RBM39: variants seen among roughly 807,000 people sequenced by gnomAD.
RBM39 encodes RNA binding motif protein 39, also known as RNA-binding protein 39.
Under a neutral mutation model 79.6 loss-of-function variants are expected in RBM39, and 12 were observed. The observed-to-expected ratio is 0.15, with a 90% CI of 0.10 to 0.24. RBM39 has a LOEUF of 0.24. Among genes scored for constraint, RBM39 ranks in the 10% least tolerant of loss-of-function variants. The pLI, the probability that RBM39 is intolerant of heterozygous loss-of-function variation, is 1.00. For synonymous variants in RBM39, 185 were observed against 208.4 expected (o/e 0.89, Z 0.97); for missense variants, 243 against 653.4 (o/e 0.37, Z 6.85).
intron 3 of RBM39, among the ~76,000 whole-genome samples, chr20:35,737,296 G>C (rs1020641150): frequency 2.0e-5 from 3 of 148,624 alleles, no homozygotes; most frequent in Non-Finnish European, 4.5e-5. Flanking sequence ...AGGCTGAGGC[G>C]GAAGAATCGC....
At chr20:35,738,201 G>A (rs955158537) in intron 3 of RBM39, among the ~76,000 whole-genome samples, 3 of 151,986 alleles carry the variant, frequency 2.0e-5, no homozygotes, top group Non-Finnish European at 4.4e-5. Flanking sequence ...CCAGGAGGCG[G>A]AGGTTGCAGT....
intron 13 of RBM39, among the ~76,000 whole-genome samples, chr20:35,708,514 G>C (rs1272287510): frequency 6.6e-6 from 1 of 152,096 alleles, no homozygotes; most frequent in East Asian, 1.9e-4. Context: ...GCACTGATTA[G>C]AAGCATCTTG....
chr20:35,737,577 CAG>C (rs2040073285), intron 3 of RBM39, among the ~76,000 whole-genome samples: 1 of 148,866 alleles, frequency 6.7e-6, no homozygotes, highest in Non-Finnish European at 1.5e-5. Flanking sequence ...AAAATAAAGA[CAG>C]AGGCTGGGCA....
chr20:35,706,454 CTT>C (rs1463202438), intron 14 of RBM39, among the ~76,000 whole-genome samples: 2 of 152,130 alleles, frequency 1.3e-5, no homozygotes, highest in East Asian at 1.9e-4. Flanking sequence ...ATTCAAGACT[CTT>C]TGGATGAAAC....
intron 6 of RBM39, among the ~76,000 whole-genome samples, chr20:35,725,855 G>C: frequency 6.6e-6 from 1 of 151,180 alleles, no homozygotes; most frequent in South Asian, 2.1e-4. Context: ...GTAGAGATGT[G>C]GTTTCACCAT....
At chr20:35,715,539 T>A (rs993245901) in intron 10 of RBM39, among the ~76,000 whole-genome samples, 5 of 152,066 alleles carry the variant, frequency 3.3e-5, no homozygotes, top group African/African-American at 9.7e-5. Context: ...AAAAAAAGGA[T>A]CTTTAGTAAA....
At chr20:35,705,608 G>A (rs972045349) in intron 14 of RBM39, among the ~76,000 whole-genome samples, 1 of 151,866 alleles carries the variant, frequency 6.6e-6, no homozygotes, top group Non-Finnish European at 1.5e-5. Flanking sequence ...GACCAGCCTG[G>A]CCATGATGGA....
Position 35,739,023 on chromosome 20 carries a change from C to T in RBM39, c.52-6G>A. 1 of 1,610,790 alleles carries T rather than the reference C, an allele frequency of 6.2e-7. No individual in the cohort carries two copies. Among genetic ancestry groups the T allele is most frequent in the Non-Finnish European group, 8.5e-7 (1 of 1,177,010 alleles). On this transcript the variant is annotated splice_region_variant and splice_polypyrimidine_tract_variant and intron_variant, in intron 2 of 16. Transcript: ENST00000253363. ...CTGCTCAACTTGTTCTCATCCTAAG[C>T]AGGGTTGATAGAAGAACATCATGAG...
intron 6 of RBM39, among the ~76,000 whole-genome samples, chr20:35,727,392 C>T (rs1450417149): frequency 2.1e-5 from 3 of 140,074 alleles, no homozygotes; most frequent in South Asian, 2.2e-4. Flanking sequence ...GCTTTCTAGC[C>T]GGGGGTCTCA....
chr20:35,719,544 G>A (rs1331032031), intron 9 of RBM39, among the ~76,000 whole-genome samples: 1 of 151,890 alleles, frequency 6.6e-6, no homozygotes, highest in Non-Finnish European at 1.5e-5. Flanking sequence ...GGGCGTTGTG[G>A]TCAGAGCCTG....
Position 35,722,189 on chromosome 20 carries a change from C to G in RBM39, c.688-312G>C, listed in dbSNP as rs1461129346. On this transcript the variant is annotated intron_variant, in intron 8 of 16. Transcript: ENST00000253363. ...TTAGTAGGCTAAAGCAGCCAGATCA[C>G]GACATCAAGAGATCAAGACCATACT... Among the ~76,000 whole-genome samples, 9 of 151,974 alleles carry G rather than the reference C, an allele frequency of 5.9e-5. No individual in the cohort carries two copies. The South Asian group carries it at 6.2e-4, about 11-fold the overall frequency.
intron 9 of RBM39, among the ~76,000 whole-genome samples, chr20:35,719,747 C>A (rs963178157): frequency 6.6e-6 from 1 of 152,116 alleles, no homozygotes; most frequent in African/African-American, 2.4e-5. Flanking sequence ...TCAACTGTTT[C>A]CTGATGTTAA....
At chr20:35,710,825 A>G (rs1280971816) in intron 12 of RBM39, among the ~76,000 whole-genome samples, 1 of 152,204 alleles carries the variant, frequency 6.6e-6, no homozygotes. Context: ...AAGGCTAATA[A>G]AACAGAATGA....
intron 3 of RBM39, chr20:35,732,553 T>C (rs1031973260): frequency 1.1e-5 from 2 of 177,220 alleles, no homozygotes. Flanking sequence ...TAAGACTCTG[T>C]CTAAAAAAAT....
intron 6 of RBM39, among the ~76,000 whole-genome samples, chr20:35,729,074 T>G (rs2039078114): frequency 1.6e-5 from 1 of 62,734 alleles, no homozygotes; most frequent in Admixed American, 2.5e-4. Context: ...AGACTCCGTC[T>G]CAAAATAAAT....
At chr20:35,728,888 G>C (rs1050308031) in intron 6 of RBM39, among the ~76,000 whole-genome samples, 5 of 151,780 alleles carry the variant, frequency 3.3e-5, no homozygotes, top group Non-Finnish European at 5.9e-5. Context: ...CACTAGGCTA[G>C]CCAACATGGT....
At chr20:35,736,827 A>G (rs2039973534) in intron 3 of RBM39, among the ~76,000 whole-genome samples, 1 of 151,460 alleles carries the variant, frequency 6.6e-6, no homozygotes, top group Admixed American at 6.6e-5. Flanking sequence ...TAATTTTTGT[A>G]TTTTTAGTAG....
intron 14 of RBM39, 63 bp downstream of exon 14, chr20:35,707,057 A>G: frequency 1.3e-6 from 1 of 796,052 alleles, no homozygotes; most frequent in Non-Finnish European, 1.9e-6. Context: ...AAAAAGAGAA[A>G]TATATAAAAC....
chr20:35,720,628 G>A (rs866892370), intron 9 of RBM39, among the ~76,000 whole-genome samples: 12 of 151,344 alleles, frequency 7.9e-5, no homozygotes, highest in Admixed American at 1.3e-4. Flanking sequence ...AAAATTAGTC[G>A]AGCATGATGG....
Sources: allele counts gnomAD v4.1 joint callset (sites outside exome capture counted in the v4.1 genomes callset), GRCh38; gene constraint gnomAD v4.1.1; transcripts MANE v1.5; gene names NCBI Gene and HGNC (gene_info 2026-07-23, HGNC 2026-07-21).